SLMAP: variants seen among roughly 807,000 people sequenced by gnomAD.
The protein encoded by SLMAP is sarcolemmal membrane-associated protein.
In SLMAP, 44 loss-of-function variants were observed where a neutral mutation model predicts 128.8. The observed-to-expected ratio is 0.34, with a 90% confidence interval of 0.27 to 0.44. SLMAP has a LOEUF of 0.44. Ranked by LOEUF, SLMAP falls within the 20% of genes least tolerant of loss-of-function variation. The probability of loss-of-function intolerance (pLI) is 1.00; values close to 1 mark genes in which losing one functional copy is unlikely to be tolerated. For missense variants in SLMAP, 787 were observed against 985.3 expected (o/e 0.80, Z 2.69); for synonymous variants, 327 against 348.8 (o/e 0.94, Z 0.70).
At chr3:57,916,437 T>C (rs892745747) in intron 21 of SLMAP, among the ~76,000 whole-genome samples, 2 of 152,206 alleles carry the variant, frequency 1.3e-5, no homozygotes, top group African/African-American at 2.4e-5. Flanking sequence ...TTATGCTCTT[T>C]TCTCAATTTG....
chr3:57,892,933 G>A (rs2096129074), intron 15 of SLMAP, among the ~76,000 whole-genome samples: 1 of 146,836 alleles, frequency 6.8e-6, no homozygotes, highest in South Asian at 2.1e-4. Flanking sequence ...TCCAGGGTTT[G>A]TGCCATTCTC....
At position 57,916,051 on chromosome 3, in the gene SLMAP, A is replaced by G. The variant is rs538745775; in HGVS notation, c.2139-855A>G. 9.2e-5 allele frequency among the ~76,000 whole-genome samples: 14 copies of G among 152,090 alleles called. No homozygotes were observed. The East Asian group carries it at 2.7e-3, about 29-fold the overall frequency. ...CATGCCTGTAATCCCAGCTACTCAG[A>G]AGGCTAAGGCAGGAGAATCACTTGA... On this transcript the variant is annotated intron_variant, in intron 21 of 24. Coordinates refer to ENST00000671191, the MANE Select transcript of SLMAP (RefSeq NM_001377540.1).
At chr3:57,870,573 T>C (rs1056012517) in intron 13 of SLMAP, among the ~76,000 whole-genome samples, 15 of 152,120 alleles carry the variant, frequency 9.9e-5, no homozygotes, top group Non-Finnish European at 1.6e-4. Context: ...TAAATTTTAG[T>C]ATAGAATTAA....
chr3:57,876,528 T>TA (rs912956714), intron 14 of SLMAP, among the ~76,000 whole-genome samples: 5 of 152,188 alleles, frequency 3.3e-5, no homozygotes, highest in Admixed American at 6.5e-5. Flanking sequence ...TAAAACTTGC[T>TA]AAAAAAAGCT....
chr3:57,863,509 G>T (rs756357614), intron 10 of SLMAP, among the ~76,000 whole-genome samples: 7 of 152,164 alleles, frequency 4.6e-5, no homozygotes, highest in African/African-American at 7.2e-5. Context: ...AAGATAAGAG[G>T]TTTATTTGGC....
chr3:57,913,651 G>T (rs1463350386), intron 21 of SLMAP, among the ~76,000 whole-genome samples: 4 of 152,146 alleles, frequency 2.6e-5, no homozygotes, highest in African/African-American at 9.7e-5. Flanking sequence ...TGATCAGGAA[G>T]TGACTATAAT....
intron 2 of SLMAP, among the ~76,000 whole-genome samples, chr3:57,808,448 G>C (rs549121423): frequency 3.3e-5 from 5 of 152,230 alleles, no homozygotes; most frequent in South Asian, 4.2e-4. Context: ...AGAGATTCTG[G>C]TGTGTTGTCT....
chr3:57,759,087 AAGG>A (rs2078121069), intron 2 of SLMAP, among the ~76,000 whole-genome samples: 1 of 152,188 alleles, frequency 6.6e-6, no homozygotes, highest in Admixed American at 6.5e-5. Context: ...TTTTTAAAGA[AAGG>A]AGGAAAAGAT....
intron 2 of SLMAP, among the ~76,000 whole-genome samples, chr3:57,785,139 A>G (rs2083823576): frequency 6.6e-6 from 1 of 152,258 alleles, no homozygotes; most frequent in South Asian, 2.1e-4. Context: ...TTTAGCAAAC[A>G]TAAACGTTTA....
chr3:57,896,647 A>G (rs2096250360), intron 16 of SLMAP, 56 bp downstream of exon 16: 1 of 1,386,874 alleles, frequency 7.2e-7, no homozygotes, highest in Non-Finnish European at 9.9e-7. Flanking sequence ...GTTTAGTTAT[A>G]TAGGTCAATG....
intron 13 of SLMAP, among the ~76,000 whole-genome samples, chr3:57,870,046 G>A (rs1292662822): frequency 6.6e-6 from 1 of 151,984 alleles, no homozygotes; most frequent in Admixed American, 6.6e-5. Flanking sequence ...TCAGATAAAA[G>A]TGTGATTGTT....
Position 57,916,961 on chromosome 3 carries a change from A to G in SLMAP, c.2194A>G (p.Arg732Gly), listed in dbSNP as rs1172871305. 2 of 1,613,826 alleles carry G rather than the reference A, an allele frequency of 1.2e-6. No homozygotes were observed. The highest frequency in any genetic ancestry group is 1.3e-5 in the African/African-American group (1 of 74,922). ...TGATCTCAGCATCCTTCAAATGTCT[A>G]GGAAAGAACTTGAGAATCAAGTGGG... is the stretch of plus-strand genomic sequence containing the variant. Reference protein sequence around the residue: ...TSDLSILQMSRKELENQVGSL... With the variant: ...TSDLSILQMSGKELENQVGSL... Residue 732 changes from arginine (R) to glycine (G), a missense_variant, in exon 22 of 25, where the codon AGG becomes GGG. Physicochemically the swap from Arg to Gly is moderately radical, Grantham distance 125. This residue lies in a region of SLMAP where 715 missense variants were observed against 843.6 expected (regional missense o/e 0.85). Coordinates refer to ENST00000671191, the MANE Select transcript of SLMAP (RefSeq NM_001377540.1).
intron 2 of SLMAP, among the ~76,000 whole-genome samples, chr3:57,793,571 C>T (rs1241512091): frequency 6.6e-6 from 1 of 152,156 alleles, no homozygotes; most frequent in Admixed American, 6.5e-5. Flanking sequence ...GCAAATCCAG[C>T]ATAATTAATT....
intron 2 of SLMAP, among the ~76,000 whole-genome samples, chr3:57,763,521 C>T (rs534374139): frequency 6.6e-6 from 1 of 151,976 alleles, no homozygotes; most frequent in Non-Finnish European, 1.5e-5. Context: ...GCAATCCACC[C>T]GCCCCGGCCT....
At chr3:57,843,538 A>G (rs764916597) in intron 4 of SLMAP, among the ~76,000 whole-genome samples, 11 of 150,812 alleles carry the variant, frequency 7.3e-5, no homozygotes, top group Admixed American at 5.3e-4. Flanking sequence ...ACTCCCGAGC[A>G]CAGGCAGTCC....
chr3:57,758,417 A>G (rs1196360697), intron 2 of SLMAP, among the ~76,000 whole-genome samples: 1 of 152,252 alleles, frequency 6.6e-6, no homozygotes, highest in Non-Finnish European at 1.5e-5. Flanking sequence ...TTAATTAAGC[A>G]TGAACAACTG....
chr3:57,819,184 C>T (rs1182813523), intron 2 of SLMAP, among the ~76,000 whole-genome samples: 1 of 152,078 alleles, frequency 6.6e-6, no homozygotes, highest in Non-Finnish European at 1.5e-5. Context: ...AAAGAACTTA[C>T]CTGTGGATGT....
intron 2 of SLMAP, among the ~76,000 whole-genome samples, chr3:57,815,274 C>G (rs1354065223): frequency 6.6e-6 from 1 of 152,184 alleles, no homozygotes; most frequent in Non-Finnish European, 1.5e-5. Context: ...CTGCTTACCT[C>G]CTGTTGTGCG....
intron 14 of SLMAP, among the ~76,000 whole-genome samples, chr3:57,887,510 C>A (rs1002230956): frequency 2.6e-5 from 4 of 152,160 alleles, no homozygotes; most frequent in African/African-American, 7.2e-5. Context: ...CCATGCCCAG[C>A]CAAGCCATGA....
Sources: allele counts gnomAD v4.1 joint callset (sites outside exome capture counted in the v4.1 genomes callset), GRCh38; gene constraint gnomAD v4.1.1; regional missense constraint gnomAD v4.1.1; transcripts MANE v1.5; gene names NCBI Gene and HGNC (gene_info 2026-07-23, HGNC 2026-07-21).